Variants in SIRPD observed in about 807,000 individuals in gnomAD.
The protein encoded by SIRPD is signal-regulatory protein delta.
SIRPD carries 21 observed loss-of-function variants against 18.0 expected under a neutral mutation model. That is an observed-to-expected ratio of 1.17 (90% confidence interval 0.83 to 1.68). SIRPD has a LOEUF of 1.68. SIRPD is among the 40% of genes most tolerant of loss of function. The pLI, the probability that SIRPD is intolerant of heterozygous loss-of-function variation, is 0.00. For missense variants in SIRPD, 295 were observed against 238.4 expected (o/e 1.24, Z -1.56); for synonymous variants, 106 against 92.9 (o/e 1.14, Z -0.81).
intron 2 of SIRPD, among the ~76,000 whole-genome samples, chr20:1,546,142 G>A (rs901758019): frequency 2.6e-5 from 4 of 152,206 alleles, no homozygotes; most frequent in Non-Finnish European, 5.9e-5. Flanking sequence ...CAGAGCTCAA[G>A]CGCTGTGCTG....
intron 2 of SIRPD, among the ~76,000 whole-genome samples, chr20:1,547,591 C>T (rs2090999176): frequency 6.6e-6 from 1 of 152,126 alleles, no homozygotes; most frequent in African/African-American, 2.4e-5. Context: ...GTGTGTTCTC[C>T]TACTTTATTT....
chr20:1,549,421 T>C (rs747440313), intron 2 of SIRPD, among the ~76,000 whole-genome samples: 1 of 152,090 alleles, frequency 6.6e-6, no homozygotes, highest in Non-Finnish European at 1.5e-5. Flanking sequence ...TTCTGTTCTA[T>C]TGCATGTCTC....
rs570598427 is a variant in SIRPD at position 1,556,105 on chromosome 20, T to C, written c.73+1476A>G. ...AAGGCCAGAAGTTGCAAAAAAACTCTAGTGTGATAGATCTTACACAACCTA... is the reference window on the plus strand; with the variant it reads ...AAGGCCAGAAGTTGCAAAAAAACTCCAGTGTGATAGATCTTACACAACCTA... On this transcript the variant is annotated intron_variant, in intron 1 of 3. Transcript: ENST00000381623. 3.3e-5 allele frequency among the ~76,000 whole-genome samples: 5 copies of C among 152,310 alleles called. No individual in the cohort carries two copies. The East Asian group carries it at 9.6e-4, about 29-fold the overall frequency.
At chr20:1,536,299 C>T (rs1004368009) in intron 3 of SIRPD, among the ~76,000 whole-genome samples, 9 of 151,998 alleles carry the variant, frequency 5.9e-5, no homozygotes, top group South Asian at 4.2e-4. Flanking sequence ...TTATTTATCC[C>T]GATTTCACAG....
At chr20:1,550,553 T>C in intron 2 of SIRPD, among the ~76,000 whole-genome samples, 1 of 152,238 alleles carries the variant, frequency 6.6e-6, no homozygotes, top group East Asian at 1.9e-4. Context: ...TCCAATCCTT[T>C]AGTCCCTGGT....
chr20:1,556,133 A>G (rs1464853092), intron 1 of SIRPD, among the ~76,000 whole-genome samples: 3 of 152,218 alleles, frequency 2.0e-5, no homozygotes, highest in Non-Finnish European at 4.4e-5. Context: ...ACAACCTAAC[A>G]TACTCAAGGG....
chr20:1,556,245 T>A (rs1393289547), intron 1 of SIRPD, among the ~76,000 whole-genome samples: 1 of 151,874 alleles, frequency 6.6e-6, no homozygotes, highest in Non-Finnish European at 1.5e-5. Context: ...CCTTACAGTC[T>A]GTGTACCTCA....
intron 1 of SIRPD, among the ~76,000 whole-genome samples, chr20:1,553,328 G>A (rs2091027282): frequency 6.6e-6 from 1 of 152,070 alleles, no homozygotes; most frequent in Non-Finnish European, 1.5e-5. Flanking sequence ...TTGCTATCAG[G>A]TCCCCATCAC....
chr20:1,537,017 A>C, intron 3 of SIRPD, 138 bp downstream of exon 3: 1 of 928,904 alleles, frequency 1.1e-6, no homozygotes, highest in Non-Finnish European at 1.6e-6. Flanking sequence ...GAAGTGTCTT[A>C]AAGAGGAAGG....
At chr20:1,546,746 A>G (rs954583586) in intron 2 of SIRPD, among the ~76,000 whole-genome samples, 1 of 152,150 alleles carries the variant, frequency 6.6e-6, no homozygotes, top group Non-Finnish European at 1.5e-5. Flanking sequence ...TCTCATAAAC[A>G]TTTGTTATCT....
intron 1 of SIRPD, among the ~76,000 whole-genome samples, chr20:1,554,953 G>A (rs996142426): frequency 1.3e-5 from 2 of 152,030 alleles, no homozygotes; most frequent in African/African-American, 4.8e-5. Context: ...GTATTCTTGG[G>A]TAGCACACAA....
chr20:1,551,737 A>G lies in SIRPD; in HGVS notation c.375T>C (p.Ala125=), dbSNP rs2091019930. 1 of 1,613,958 alleles carries G rather than the reference A, an allele frequency of 6.2e-7. No individual in the cohort carries two copies. Among genetic ancestry groups the G allele is most frequent in the Non-Finnish European group, 8.5e-7 (1 of 1,179,962 alleles). Residue 125 remains alanine (A), a synonymous_variant, in exon 2 of 4, where the codon GCT becomes GCC. Transcript: ENST00000381623. ...YYCVKFIKGR[A]IKEYQSGRGT... ...CCCGACCTGATTGGTACTCCTTGAT[A>G]GCTCTTCCTTTTATGAACTTCACGC...
rs543304642 is a variant in SIRPD, at chr20:1,554,723, C to T, written c.74-2685G>A. Among the ~76,000 whole-genome samples the T allele has an allele frequency of 3.3e-5, 5 of 152,252 alleles. No homozygotes were observed. In the South Asian group the frequency reaches 6.2e-4, roughly 19 times the overall value. ...TGGAGTGACCTGCATATGGAGGCAG[C>T]TCCCTCCCATACCGGGTGTTCTGTG... is the stretch of plus-strand genomic sequence containing the variant. On this transcript the variant is annotated intron_variant, in intron 1 of 3. Coordinates refer to ENST00000381623, the MANE Select transcript of SIRPD (RefSeq NM_178460.3).
intron 1 of SIRPD, among the ~76,000 whole-genome samples, chr20:1,556,805 C>A (rs2091043176): frequency 6.6e-6 from 1 of 152,216 alleles, no homozygotes; most frequent in Non-Finnish European, 1.5e-5. Flanking sequence ...AGAACCAACC[C>A]TGCCCACACT....
At position 1,537,244 on chromosome 20, in the gene SIRPD, G is replaced by C; in HGVS notation, c.488C>G (p.Ala163Gly). The C allele has an allele frequency of 1.2e-6, 2 of 1,614,144 alleles. No homozygotes were observed. Among genetic ancestry groups the C allele is most frequent in the Non-Finnish European group, 1.7e-6 (2 of 1,180,004 alleles). Reference protein sequence around the residue: ...GRAGSRAHHDAHTCLSALPER... With the variant: ...GRAGSRAHHDGHTCLSALPER... ...AGGCAGGGCCGAGAGGCAGGTATGG[G>C]CATCATGGTGGGCCCTGGAGCCTGC... Residue 163 changes from alanine to glycine, a missense_variant, in exon 3 of 4, where the codon GCC (alanine) becomes GGC (glycine). Coordinates refer to ENST00000381623, the MANE Select transcript of SIRPD (RefSeq NM_178460.3).
chr20:1,543,868 T>C, intron 2 of SIRPD, among the ~76,000 whole-genome samples: 1 of 152,228 alleles, frequency 6.6e-6, no homozygotes, highest in Admixed American at 6.5e-5. Flanking sequence ...AATTTCATTA[T>C]TTACCCAGTA....
At chr20:1,543,114 C>T (rs2090979328) in intron 2 of SIRPD, among the ~76,000 whole-genome samples, 1 of 152,088 alleles carries the variant, frequency 6.6e-6, no homozygotes, top group Non-Finnish European at 1.5e-5. Context: ...GTGTCTCTGC[C>T]AGGTTTTGGT....
Position 1,551,781 on chromosome 20 carries a change from C to T in SIRPD, c.331G>A (p.Asp111Asn). ...TTCACGCAGTAATAGGTGCCAGCAT[C>T]AGCAAGAGAGATTTCACGGATGCGG... ...STRIREISLA[D>N]AGTYYCVKFI... Residue 111 changes from aspartate (D) to asparagine (N), a missense_variant, in exon 2 of 4, where the codon GAT becomes AAT. Coordinates refer to ENST00000381623, the MANE Select transcript of SIRPD (RefSeq NM_178460.3). The T allele has an allele frequency of 6.2e-7, 1 of 1,614,084 alleles. No homozygotes were observed. The highest frequency in any genetic ancestry group is 8.5e-7 in the Non-Finnish European group (1 of 1,179,952).
At chr20:1,539,323 C>T (rs922373980) in intron 2 of SIRPD, among the ~76,000 whole-genome samples, 4 of 151,972 alleles carry the variant, frequency 2.6e-5, no homozygotes, top group African/African-American at 4.8e-5. Flanking sequence ...AGTTTAATTC[C>T]ACAATGATCA....
Sources: allele counts gnomAD v4.1 joint callset (sites outside exome capture counted in the v4.1 genomes callset), GRCh38; gene constraint gnomAD v4.1.1; transcripts MANE v1.5; gene names NCBI Gene and HGNC (gene_info 2026-07-23, HGNC 2026-07-21).